Variants in PPP5C observed in about 807,000 individuals in gnomAD.
PPP5C encodes serine/threonine-protein phosphatase 5.
Under a neutral mutation model 66.7 loss-of-function variants are expected in PPP5C, and 21 were observed. The observed-to-expected ratio is 0.31, with a 90% confidence interval of 0.22 to 0.45. The LOEUF (loss-of-function observed/expected upper bound fraction) is 0.45. PPP5C is among the 20% of genes least tolerant of loss of function. The pLI is 1.00. For missense variants in PPP5C, 464 were observed against 675.9 expected (o/e 0.69, Z 3.48); for synonymous variants, 246 against 257.4 (o/e 0.96, Z 0.43).
Position 46,376,393 on chromosome 19 carries a change from C to T in PPP5C, c.512-60C>T. 1 of 1,592,050 alleles carries T rather than the reference C, an allele frequency of 6.3e-7. No individual in the cohort carries two copies. ...TTTCCCCATCCCTGGGAGCGAGACC[C>T]CCTTCTCCCTCATAGTGGCTGTGGT... On this transcript the variant is annotated intron_variant, in intron 3 of 12. Coordinates refer to ENST00000012443, the MANE Select transcript of PPP5C (RefSeq NM_006247.4). The surrounding 1 kb of genome is among the most constrained non-coding windows in gnomAD (Gnocchi z 5.1).
At chr19:46,378,432 C>T (rs1406643515) in intron 4 of PPP5C, among the ~76,000 whole-genome samples, 1 of 152,170 alleles carries the variant, frequency 6.6e-6, no homozygotes, top group African/African-American at 2.4e-5. Flanking sequence ...GTGTATTTTG[C>T]AGTCGTTAGT....
At chr19:46,371,371 A>G (rs997916274) in intron 2 of PPP5C, among the ~76,000 whole-genome samples, 1 of 152,208 alleles carries the variant, frequency 6.6e-6, no homozygotes, top group Non-Finnish European at 1.5e-5. Flanking sequence ...AATAGTCACA[A>G]CCACTATTTC....
chr19:46,390,975 C>G lies in PPP5C; in HGVS notation c.*629C>G. 8.3e-7 allele frequency: 1 copy of G among 1,201,700 alleles called. No homozygotes were observed. Among genetic ancestry groups the G allele is most frequent in the Non-Finnish European group, 1.1e-6 (1 of 944,860 alleles). The allele number at this position is 1,201,700 out of a possible 1,614,324, so 74.4% of individuals were successfully genotyped here. On this transcript the variant is annotated 3_prime_UTR_variant, in exon 13 of 13. Transcript: ENST00000012443. The stretch of plus-strand genomic sequence containing the variant: ...CGGGCCCACCCAGCTCTGGGCTGAC[C>G]GCCCAAGTGGCCTCTGCCTCTGCCC...
Position 46,353,796 on chromosome 19 carries a change from T to G in PPP5C, c.170T>G (p.Leu57Arg). 1 of 1,614,124 alleles carries G rather than the reference T, an allele frequency of 6.2e-7. No individual in the cohort carries two copies. The change falls in exon 2 of 13, where the codon CTG becomes CGG. Residue 57 changes from leucine (L) to arginine (R), a missense_variant. Around this residue, in one of 2 missense-constraint regions of PPP5C, gnomAD observed 387 missense variants for 626.0 expected, o/e 0.62. Coordinates refer to ENST00000012443, the MANE Select transcript of PPP5C (RefSeq NM_006247.4). ...AAGTTCTACAGCCAGGCCATCGAGC[T>G]GAACCCCAGCAATGCCATCTACTAT... ...AIKFYSQAIE[L>R]NPSNAIYYGN...
intron 1 of PPP5C, among the ~76,000 whole-genome samples, chr19:46,348,728 G>T (rs545726459): frequency 6.6e-6 from 1 of 152,122 alleles, no homozygotes; most frequent in South Asian, 2.1e-4. Flanking sequence ...CTAGAGGGGG[G>T]ACTTAGGACA....
At position 46,388,161 on chromosome 19, in the gene PPP5C, T is replaced by G. The variant is rs1972924442; in HGVS notation, c.1136-247T>G. 4.0e-6 allele frequency: 2 copies of G among 495,400 alleles called. No homozygotes were observed. The highest frequency in any genetic ancestry group is 3.8e-5 in the South Asian group (1 of 26,580). 30.7% of individuals were successfully genotyped at this position (495,400 alleles called of 1,614,324 possible). A position where few individuals can be genotyped will look rare whatever the true frequency, so the allele number is the denominator to read the frequency against. ...TGATCTGAATAGTGACATTGAAAGCTCTATCTGGCTTCGGGGCCACAGGGG... is the reference window on the plus strand; with the variant it reads ...TGATCTGAATAGTGACATTGAAAGCGCTATCTGGCTTCGGGGCCACAGGGG... On this transcript the variant is annotated intron_variant, in intron 9 of 12. Coordinates refer to ENST00000012443, the MANE Select transcript of PPP5C (RefSeq NM_006247.4). The surrounding 1 kb of genome is among the most constrained non-coding windows in gnomAD (Gnocchi z 4.9).
At chr19:46,361,130 T>A (rs914885470) in intron 2 of PPP5C, among the ~76,000 whole-genome samples, 2,345 of 136,408 alleles carry the variant, frequency 0.017, 84 homozygotes, top group African/African-American at 0.059. Context: ...TGAAAGAAAA[T>A]TTTTTTTTTT....
At chr19:46,354,018 A>G (rs1439711473) in intron 2 of PPP5C, 29 bp downstream of exon 2, 8 of 1,606,964 alleles carry the variant, frequency 5.0e-6, no homozygotes, top group Non-Finnish European at 5.9e-6. Flanking sequence ...CAGGCCTGGC[A>G]CCTGAGCCAG....
chr19:46,349,052 G>A (rs1972136775), intron 1 of PPP5C, among the ~76,000 whole-genome samples: 1 of 152,106 alleles, frequency 6.6e-6, no homozygotes, highest in Non-Finnish European at 1.5e-5. Flanking sequence ...GAAGGGGAGT[G>A]GAGAAATGGG....
intron 2 of PPP5C, among the ~76,000 whole-genome samples, chr19:46,358,006 A>G (rs1184575990): frequency 6.6e-6 from 1 of 152,108 alleles, no homozygotes; most frequent in Non-Finnish European, 1.5e-5. Flanking sequence ...TTACAGGCCC[A>G]CTTTGGTCAT....
intron 3 of PPP5C, 110 bp downstream of exon 3, chr19:46,375,861 A>G: frequency 6.9e-7 from 1 of 1,452,710 alleles, no homozygotes; most frequent in Non-Finnish European, 9.1e-7. Flanking sequence ...TTCTGTCCCC[A>G]GGCTGGTGTC....
At chr19:46,389,362 A>C (rs940154945) in intron 11 of PPP5C, among the ~76,000 whole-genome samples, 6 of 98,060 alleles carry the variant, frequency 6.1e-5, no homozygotes, top group African/African-American at 2.3e-4. Flanking sequence ...TCCATCTCAA[A>C]ACACACACAC....
intron 2 of PPP5C, among the ~76,000 whole-genome samples, chr19:46,364,381 C>A (rs1321663914): frequency 1.3e-5 from 2 of 152,032 alleles, no homozygotes; most frequent in Admixed American, 1.3e-4. Context: ...TTTGGGAGAC[C>A]GAGGCAGGAA....
In PPP5C at chr19:46,355,022, C is replaced by T. The variant is rs1972259418; in HGVS notation, c.363+1033C>T. ...AGGCTGGCTGAATCATTACAGCACC[C>T]TGGGACGTGGGAACTGGGATTACTC... On this transcript the variant is annotated intron_variant, in intron 2 of 12. Transcript: ENST00000012443. 2.0e-5 allele frequency among the ~76,000 whole-genome samples: 3 copies of T among 152,220 alleles called. No individual in the cohort carries two copies. The South Asian group carries it at 6.2e-4, about 31-fold the overall frequency.
rs181957415 is a variant in PPP5C at position 46,363,650 on chromosome 19, G to C, written c.363+9661G>C. Reference sequence around the variant, plus strand: ...TTCACCATGTTGGCCAGATGGTCTCGATCTCCTGACCTTGTGATCTGCCCC... The same window carrying C: ...TTCACCATGTTGGCCAGATGGTCTCCATCTCCTGACCTTGTGATCTGCCCC... On this transcript the variant is annotated intron_variant, in intron 2 of 12. Transcript: ENST00000012443. Among the ~76,000 whole-genome samples the C allele has an allele frequency of 7.2e-5, 11 of 151,880 alleles. No individual in the cohort carries two copies. The South Asian group carries it at 1.5e-3, about 20-fold the overall frequency.
intron 1 of PPP5C, 30 bp downstream of exon 1, chr19:46,347,247 G>A: frequency 2.5e-6 from 4 of 1,587,870 alleles, no homozygotes; most frequent in East Asian, 2.3e-5. Context: ...AGGGTGGACA[G>A]TGGCCCAGGC....
Position 46,388,173 on chromosome 19 carries a change from C to T in PPP5C, c.1136-235C>T, listed in dbSNP as rs190353588. 2.7e-4 allele frequency: 138 copies of T among 509,698 alleles called. 1 individual carries two copies. Among genetic ancestry groups the T allele is most frequent in the Admixed American group, 1.8e-3 (56 of 30,824 alleles). The allele number at this position is 509,698 out of a possible 1,614,324, so 31.6% of individuals were successfully genotyped here. A position where few individuals can be genotyped will look rare whatever the true frequency, so the allele number is the denominator to read the frequency against. Reference sequence around the variant, plus strand: ...TGACATTGAAAGCTCTATCTGGCTTCGGGGCCACAGGGGATTGAATGGGGT... The same window carrying T: ...TGACATTGAAAGCTCTATCTGGCTTTGGGGCCACAGGGGATTGAATGGGGT... On this transcript the variant is annotated intron_variant, in intron 9 of 12. Coordinates refer to ENST00000012443, the MANE Select transcript of PPP5C (RefSeq NM_006247.4). The surrounding 1 kb of genome is among the most constrained non-coding windows in gnomAD (Gnocchi z 4.9).
In PPP5C at chr19:46,388,258, A is replaced by AATGTCC. The variant is rs1450102957; in HGVS notation, c.1136-140_1136-135dup. ...CTCAGAATCACAGTCACCTGTCCTG[A>AATGTCC]ATGTCCATGTCCATGCTGGATGTCC... On this transcript the variant is annotated intron_variant, in intron 9 of 12. Coordinates refer to ENST00000012443, the MANE Select transcript of PPP5C (RefSeq NM_006247.4). This position sits in a 1 kb window ranked among gnomAD's most constrained non-coding sequence, Gnocchi z 4.9. The AATGTCC allele has an allele frequency of 3.8e-6, 3 of 790,748 alleles. No individual in the cohort carries two copies. Among genetic ancestry groups the AATGTCC allele is most frequent in the Non-Finnish European group, 5.9e-6 (3 of 506,488 alleles). The allele number at this position is 790,748 out of a possible 1,614,324, so 49.0% of individuals were successfully genotyped here. A position where few individuals can be genotyped will look rare whatever the true frequency, so the allele number is the denominator to read the frequency against.
At chr19:46,361,085 T>C (rs369299332) in intron 2 of PPP5C, among the ~76,000 whole-genome samples, 1 of 152,126 alleles carries the variant, frequency 6.6e-6, no homozygotes, top group African/African-American at 2.4e-5. Flanking sequence ...GATTTTTGTT[T>C]TGTTTTGTGT....
Sources: gnomAD v4.1 joint callset for allele counts (sites outside exome capture counted in the v4.1 genomes callset) on GRCh38, gnomAD v4.1.1 for gene constraint, gnomAD v4.1.1 regional missense constraint, Gnocchi (gnomAD v3.1) non-coding constraint, MANE v1.5 for transcripts, NCBI Gene and HGNC (gene_info 2026-07-23, HGNC 2026-07-21) for gene names.